The following AVPI1 variants were observed in gnomAD, a reference collection of about 807,000 sequenced individuals.
AVPI1 encodes arginine vasopressin-induced protein 1.
AVPI1 carries 9 observed loss-of-function variants against 11.9 expected under a neutral mutation model. The observed-to-expected ratio is 0.76, with a 90% CI of 0.46 to 1.32. AVPI1 has a LOEUF of 1.32. AVPI1 is among the 40% of genes most tolerant of loss of function. The probability of loss-of-function intolerance (pLI) is 0.00; values close to 1 mark genes in which losing one functional copy is unlikely to be tolerated. For synonymous variants in AVPI1, 68 were observed against 78.1 expected (o/e 0.87, Z 0.68); for missense variants, 207 against 195.8 (o/e 1.06, Z -0.34).
chr10:97,678,491 G>C (rs986709796), intron 2 of AVPI1, among the ~76,000 whole-genome samples: 1 of 152,184 alleles, frequency 6.6e-6, no homozygotes, highest in Non-Finnish European at 1.5e-5. Context: ...TTGAGGCCAA[G>C]TGGTTCAGCT....
intron 1 of AVPI1, among the ~76,000 whole-genome samples, chr10:97,682,935 G>A (rs1036630105): frequency 6.6e-6 from 1 of 152,180 alleles, no homozygotes; most frequent in Non-Finnish European, 1.5e-5. Context: ...GACAACAGTC[G>A]CCAAGTAACA....
At chr10:97,683,269 T>C (rs1042897755) in intron 1 of AVPI1, among the ~76,000 whole-genome samples, 6 of 152,200 alleles carry the variant, frequency 3.9e-5, no homozygotes, top group Admixed American at 2.6e-4. Flanking sequence ...GTGATTCTCC[T>C]GCCTCAGCCT....
Position 97,677,542 on chromosome 10 carries a change from T to C in AVPI1, c.*327A>G. On this transcript the variant is annotated 3_prime_UTR_variant, in exon 3 of 3. Transcript: ENST00000370626. ...TTTACAGTAGTAGCAGGTAGATGAT[T>C]AGTAGCATGAGTGGTGAAATGCTGC... 1 of 270,648 alleles carries C rather than the reference T, an allele frequency of 3.7e-6. No homozygotes were observed. The allele number at this position is 270,648 out of a possible 1,614,324, so 16.8% of individuals were successfully genotyped here.
intron 2 of AVPI1, among the ~76,000 whole-genome samples, chr10:97,678,765 GCAGCCT>G (rs1243564859): frequency 6.6e-6 from 1 of 151,626 alleles, no homozygotes; most frequent in East Asian, 1.9e-4. Context: ...ATAGCTTACT[GCAGCCT>G]CAAACTCCTG....
chr10:97,681,705 G>A (rs1241832006), intron 1 of AVPI1, among the ~76,000 whole-genome samples: 6 of 142,852 alleles, frequency 4.2e-5, no homozygotes, highest in African/African-American at 1.5e-4. Flanking sequence ...GTGAAACCCC[G>A]TCTCTACTAA....
At position 97,679,863 on chromosome 10, in the gene AVPI1, G is replaced by A. The variant is rs755377000; in HGVS notation, c.43C>T (p.Gln15Ter). 6.9e-6 allele frequency: 11 copies of A among 1,598,910 alleles called. No homozygotes were observed. The highest frequency in any genetic ancestry group is 1.7e-5 in the Admixed American group (1 of 57,848). The change falls in exon 2 of 3, where the codon CAG becomes TAG. Residue 15 changes from glutamine to a stop codon, truncating the protein, a stop_gained. Transcript: ENST00000370626. LOFTEE classifies it high-confidence loss of function. The stretch of plus-strand genomic sequence containing the variant: ...CGGCCCCGGGCCTCAATCGGGGCCT[G>A]CCAAGGGGGTGGCTCACTGACCACC... ...ASVVSEPPPW[Q>*]APIEARGRKQ...
At chr10:97,683,965 G>GTACAGAAGGAGGAACGGAGCTA (rs2041717097) in intron 1 of AVPI1, among the ~76,000 whole-genome samples, 1 of 151,954 alleles carries the variant, frequency 6.6e-6, no homozygotes, top group Non-Finnish European at 1.5e-5. Context: ...AGGTAAGTCT[G>GTACAGAAGGAGGAACGGAGCTA]TACAGAAGGA....
chr10:97,678,941 G>T lies in AVPI1; in HGVS notation c.287+678C>A, dbSNP rs1406308256. ...TGTGTGTGTGTGTGTGTGTGTGTGT[G>T]TGTGTGTGTGTGTGTGTGTGTGTGT... On this transcript the variant is annotated intron_variant, in intron 2 of 2. Transcript: ENST00000370626. Among the ~76,000 whole-genome samples the T allele has an allele frequency of 1.7e-3, 80 of 46,028 alleles. 11 individuals are homozygous for T. Among genetic ancestry groups the T allele is most frequent in the East Asian group, 6.5e-3 (10 of 1,532 alleles). The allele number at this position is 46,028 out of a possible 152,430, so 30.2% of individuals were successfully genotyped here. A position where few individuals can be genotyped will look rare whatever the true frequency, so the allele number is the denominator to read the frequency against.
intron 2 of AVPI1, among the ~76,000 whole-genome samples, chr10:97,679,023 T>G (rs1038023127): frequency 6.7e-6 from 1 of 148,552 alleles, no homozygotes; most frequent in African/African-American, 2.5e-5. Flanking sequence ...GATCTCGCCA[T>G]GTTGCCCAGG....
At chr10:97,686,103 C>A (rs954730037) in intron 1 of AVPI1, among the ~76,000 whole-genome samples, 16 of 152,222 alleles carry the variant, frequency 1.1e-4, no homozygotes, top group Admixed American at 8.5e-4. Context: ...GTCAACATAG[C>A]AAGACTGCCT....
intron 2 of AVPI1, among the ~76,000 whole-genome samples, chr10:97,678,880 G>GGTGTGTGTGTGTGTGTGT: frequency 1.8e-5 from 2 of 113,444 alleles, no homozygotes; most frequent in Admixed American, 9.8e-5. Context: ...GCGGGGGGAG[G>GGTGTGTGTGTGTGTGTGT]GTGTGTGTGT....
chr10:97,682,004 T>C (rs966005898), intron 1 of AVPI1, among the ~76,000 whole-genome samples: 2 of 152,018 alleles, frequency 1.3e-5, no homozygotes, highest in Non-Finnish European at 2.9e-5. Flanking sequence ...TTAGGTATTA[T>C]AAGTACCCTA....
intron 1 of AVPI1, among the ~76,000 whole-genome samples, chr10:97,681,813 G>A (rs1345454841): frequency 6.7e-6 from 1 of 149,340 alleles, no homozygotes; most frequent in African/African-American, 2.5e-5. Context: ...GGGAAGCGGA[G>A]CTTGCAGTGA....
chr10:97,678,910 T>TTTTCAGAGACA (rs1229669394), intron 2 of AVPI1, among the ~76,000 whole-genome samples: 16 of 27,112 alleles, frequency 5.9e-4, no homozygotes, highest in Admixed American at 8.0e-4. Context: ...TGTGTGTGTG[T>TTTTCAGAGACA]GTGTGTGTGT....
intron 1 of AVPI1, among the ~76,000 whole-genome samples, chr10:97,682,049 G>A (rs912525936): frequency 1.3e-5 from 2 of 152,240 alleles, no homozygotes; most frequent in African/African-American, 2.4e-5. Flanking sequence ...GATGTGCGCA[G>A]TCTATAGGCC....
At chr10:97,678,186 C>T (rs1434621402) in intron 2 of AVPI1, among the ~76,000 whole-genome samples, 161 bp from the exon 3 acceptor site, 1 of 152,162 alleles carries the variant, frequency 6.6e-6, no homozygotes, top group Non-Finnish European at 1.5e-5. Flanking sequence ...TCTGACTAGA[C>T]AAAGTTTACA....
chr10:97,679,859 G>A lies in AVPI1; in HGVS notation c.47C>T (p.Ala16Val), dbSNP rs1158704308. ...CTTGCGGCCCCGGGCCTCAATCGGGGCCTGCCAAGGGGGTGGCTCACTGAC... is the reference window on the plus strand; with the variant it reads ...CTTGCGGCCCCGGGCCTCAATCGGGACCTGCCAAGGGGGTGGCTCACTGAC... ...SVVSEPPPWQAPIEARGRKQA... is the reference protein window; with the variant it reads ...SVVSEPPPWQVPIEARGRKQA... Residue 16 changes from alanine (A) to valine (V), a missense_variant, in exon 2 of 3, where the codon GCC (alanine) becomes GTC (valine). Transcript: ENST00000370626. The A allele has an allele frequency of 6.2e-7, 1 of 1,600,418 alleles. No homozygotes were observed. Among genetic ancestry groups the A allele is most frequent in the South Asian group, 1.1e-5 (1 of 89,180 alleles).
rs1564779919 is a variant in AVPI1, at chr10:97,678,954, T to TCGCC, written c.287+664_287+665insGGCG. 1.0e-3 allele frequency among the ~76,000 whole-genome samples: 45 copies of TCGCC among 43,060 alleles called. 5 individuals are homozygous for TCGCC. In the East Asian group the frequency reaches 0.013, roughly 13 times the overall value. 28.2% of individuals were successfully genotyped at this position (43,060 alleles called of 152,430 possible). On this transcript the variant is annotated intron_variant, in intron 2 of 2. Coordinates refer to ENST00000370626, the MANE Select transcript of AVPI1 (RefSeq NM_021732.3). The stretch of plus-strand genomic sequence containing the variant: ...GTGTGTGTGTGTGTGTGTGTGTGTG[T>TCGCC]GTGTGTGTGTGTGTGTGTGTGTGTG...
rs2041732577 is a variant in AVPI1 at position 97,686,866 on chromosome 10, G to GTT, written c.-112_-111insAA. ...ACAGCCTTCAGAAAGGGCAGGCGCA[G>GTT]CTCTGCGAAGGTGCTTACAAGGGCC... On this transcript the variant is annotated 5_prime_UTR_variant, in exon 1 of 3. Coordinates refer to ENST00000370626, the MANE Select transcript of AVPI1 (RefSeq NM_021732.3). The GTT allele has an allele frequency of 5.7e-4, 3 of 5,288 alleles. No individual in the cohort carries two copies. The highest frequency in any genetic ancestry group is 1.3e-3 in the Non-Finnish European group (3 of 2,242). The allele number at this position is 5,288 out of a possible 1,614,324, so 0.3% of individuals were successfully genotyped here.
Sources: allele counts gnomAD v4.1 joint callset (sites outside exome capture counted in the v4.1 genomes callset), GRCh38; gene constraint gnomAD v4.1.1; transcripts MANE v1.5; gene names NCBI Gene and HGNC (gene_info 2026-07-23, HGNC 2026-07-21).